The following TMTC3 variants were observed in gnomAD, a reference collection of about 807,000 sequenced individuals.
The protein encoded by TMTC3 is protein O-mannosyl-transferase TMTC3.
A neutral mutation model predicts 92.2 loss-of-function variants in TMTC3; 52 were observed. The observed-to-expected ratio is 0.56, with a 90% CI of 0.45 to 0.71. The LOEUF (loss-of-function observed/expected upper bound fraction) is 0.71. Among genes scored for constraint, TMTC3 ranks in the 30% least tolerant of loss-of-function variants. The pLI, the probability that TMTC3 is intolerant of heterozygous loss-of-function variation, is 0.00. For synonymous variants in TMTC3, 339 were observed against 363.3 expected (o/e 0.93, Z 0.76); for missense variants, 896 against 1,057.1 (o/e 0.85, Z 2.11).
In TMTC3 at chr12:88,174,681, A is replaced by G; in HGVS notation, c.1274A>G (p.Asn425Ser). The G allele has an allele frequency of 6.2e-7, 1 of 1,612,560 alleles. No individual in the cohort carries two copies. The highest frequency in any genetic ancestry group is 8.5e-7 in the Non-Finnish European group (1 of 1,179,058). The change falls in exon 9 of 14, where the codon AAT (asparagine) becomes AGT (serine). Residue 425 changes from asparagine (N) to serine (S), a missense_variant. Transcript: ENST00000266712. ...CATTCCTTAAAAACATTCCACAGAA[A>G]TTGGGATTGGGAGTCTGAATATACA... ...LTHSLKTFHR[N>S]WDWESEYTLF...
In TMTC3 at chr12:88,167,621, C is replaced by T. The variant is rs193017692; in HGVS notation, c.1050+1039C>T. On this transcript the variant is annotated intron_variant, in intron 7 of 13. Coordinates refer to ENST00000266712, the MANE Select transcript of TMTC3 (RefSeq NM_181783.4). Reference sequence around the variant, plus strand: ...GTTATGATAGTAAATACACAGTTCACGTTTCCAGAGAACTTACACAGTTCA... The same window carrying T: ...GTTATGATAGTAAATACACAGTTCATGTTTCCAGAGAACTTACACAGTTCA... 7.2e-5 allele frequency among the ~76,000 whole-genome samples: 11 copies of T among 152,070 alleles called. 1 individual carries two copies. In the South Asian group the frequency reaches 1.2e-3, roughly 17 times the overall value.
chr12:88,186,711 A>G (rs1048531377), intron 10 of TMTC3, among the ~76,000 whole-genome samples: 1 of 152,062 alleles, frequency 6.6e-6, no homozygotes, highest in African/African-American at 2.4e-5. Context: ...AAGTGATACT[A>G]TTTTACCCTC....
At chr12:88,193,892 T>C (rs1044514689) in intron 13 of TMTC3, among the ~76,000 whole-genome samples, 1 of 152,108 alleles carries the variant, frequency 6.6e-6, no homozygotes, top group African/African-American at 2.4e-5. Context: ...TTTTTGTTTT[T>C]TTGGCTTTTT....
rs763861734 is a variant in TMTC3, at chr12:88,190,521, T to A, written c.1605T>A (p.Ala535=). ...ACCTAAATGTTTATATCAATCTGGCTAACCTGATCCGAGCAAATGAGTCCC... is the reference window on the plus strand; with the variant it reads ...ACCTAAATGTTTATATCAATCTGGCAAACCTGATCCGAGCAAATGAGTCCC... ...PNHLNVYINL[A]NLIRANESRL... is the part of the protein sequence containing the mutation. The change falls in exon 12 of 14, where the codon GCT becomes GCA. Residue 535 remains alanine (A), a synonymous_variant. Coordinates refer to ENST00000266712, the MANE Select transcript of TMTC3 (RefSeq NM_181783.4). The A allele has an allele frequency of 5.0e-6, 8 of 1,613,894 alleles. No individual in the cohort carries two copies. The Admixed American group carries it at 1.3e-4, about 27-fold the overall frequency.
chr12:88,172,920 A>C lies in TMTC3; in HGVS notation c.1199+175A>C, dbSNP rs544866111. ...AAGTTAGGAAAGCTCCATGGCACCTACTTATTCTGTGTTCTTCCCTATATT... is the reference window on the plus strand; with the variant it reads ...AAGTTAGGAAAGCTCCATGGCACCTCCTTATTCTGTGTTCTTCCCTATATT... On this transcript the variant is annotated intron_variant, in intron 8 of 13. Transcript: ENST00000266712. 6 of 1,499,324 alleles carry C rather than the reference A, an allele frequency of 4.0e-6. No individual in the cohort carries two copies. The African/African-American group carries it at 5.5e-5, about 14-fold the overall frequency. The allele number at this position is 1,499,324 out of a possible 1,614,324, so 92.9% of individuals were successfully genotyped here. A position where few individuals can be genotyped will look rare whatever the true frequency, so the allele number is the denominator to read the frequency against.
Position 88,174,673 on chromosome 12 carries a change from C to G in TMTC3, c.1266C>G (p.Phe422Leu). Residue 422 changes from phenylalanine (F) to leucine (L), a missense_variant, in exon 9 of 14, where the codon TTC becomes TTG. Physicochemically the swap from Phe to Leu is conservative, Grantham distance 22 (BLOSUM62 0). Coordinates refer to ENST00000266712, the MANE Select transcript of TMTC3 (RefSeq NM_181783.4). ...TACTCACTCATTCCTTAAAAACATT[C>G]CACAGAAATTGGGATTGGGAGTCTG... ...MVILTHSLKTFHRNWDWESEY... is the reference protein window; with the variant it reads ...MVILTHSLKTLHRNWDWESEY... 1 of 1,612,364 alleles carries G rather than the reference C, an allele frequency of 6.2e-7. No individual in the cohort carries two copies.
intron 13 of TMTC3, among the ~76,000 whole-genome samples, chr12:88,194,316 G>A (rs538309834): frequency 2.0e-5 from 3 of 152,076 alleles, no homozygotes; most frequent in Non-Finnish European, 4.4e-5. Context: ...AAACTTTGAA[G>A]TAACATTTTT....
chr12:88,151,530 A>G (rs528408672), intron 2 of TMTC3, among the ~76,000 whole-genome samples: 12 of 152,276 alleles, frequency 7.9e-5, no homozygotes, highest in Admixed American at 1.3e-4. Context: ...GCTGATGATG[A>G]TTTGTCACAG....
At chr12:88,165,018 T>C (rs917202333) in intron 6 of TMTC3, among the ~76,000 whole-genome samples, 1 of 152,166 alleles carries the variant, frequency 6.6e-6, no homozygotes, top group Non-Finnish European at 1.5e-5. Flanking sequence ...TTTCATTGGT[T>C]TTCTGTTATT....
chr12:88,146,581 A>G (rs1015213588), intron 1 of TMTC3, among the ~76,000 whole-genome samples: 114 of 136,850 alleles, frequency 8.3e-4, no homozygotes, highest in Non-Finnish European at 2.8e-4. Flanking sequence ...CCATATACAT[A>G]CCTATATATT....
At chr12:88,164,189 C>CAAAAAAAAAAAAAAAAAAAA (rs1008391943) in intron 6 of TMTC3, among the ~76,000 whole-genome samples, 1 of 48,796 alleles carries the variant, frequency 2.0e-5, no homozygotes, top group African/African-American at 7.6e-5. Context: ...GACTTTGTCT[C>CAAAAAAAAAAAAAAAAAAAA]AAAAAAAAAA....
At chr12:88,179,733 C>T (rs777034237) in intron 10 of TMTC3, among the ~76,000 whole-genome samples, 4 of 151,816 alleles carry the variant, frequency 2.6e-5, no homozygotes, top group Admixed American at 2.6e-4. Flanking sequence ...AAGCAGGCCC[C>T]GGTCGCATTT....
At chr12:88,161,629 C>T (rs574024228) in intron 6 of TMTC3, among the ~76,000 whole-genome samples, 168 of 151,446 alleles carry the variant, frequency 1.1e-3, no homozygotes, top group African/African-American at 4.0e-3. Context: ...ATCTTTGTTC[C>T]TTTTTTCTCT....
chr12:88,174,718 A>C lies in TMTC3; in HGVS notation c.1311A>C (p.Ser437=), dbSNP rs1273328861. 1.2e-6 allele frequency: 2 copies of C among 1,612,060 alleles called. No individual in the cohort carries two copies. The change falls in exon 9 of 14, where the codon TCA becomes TCC. Residue 437 remains serine (S), a synonymous_variant. Transcript: ENST00000266712. Reference sequence around the variant, plus strand: ...AGTCTGAATATACATTGTTTATGTCAGCCTTGAAGGTAAAGTGTTGTTCAG... The same window carrying C: ...AGTCTGAATATACATTGTTTATGTCCGCCTTGAAGGTAAAGTGTTGTTCAG... ...DWESEYTLFM[S]ALKVNKNNAK... is the part of the protein sequence containing the mutation.
chr12:88,184,127 G>A (rs1457707776), intron 10 of TMTC3, among the ~76,000 whole-genome samples: 3 of 152,066 alleles, frequency 2.0e-5, no homozygotes, highest in Non-Finnish European at 4.4e-5. Flanking sequence ...CTAGGGGACC[G>A]CATGGCTCAG....
intron 5 of TMTC3, 143 bp from the exon 6 acceptor site, chr12:88,160,536 A>G: frequency 1.3e-6 from 1 of 779,454 alleles, no homozygotes; most frequent in South Asian, 1.9e-5. Context: ...GCTCAGTTTT[A>G]TTCATTATTA....
At chr12:88,158,681 C>A (rs2138378221) in intron 4 of TMTC3, among the ~76,000 whole-genome samples, 1 of 151,444 alleles carries the variant, frequency 6.6e-6, no homozygotes, top group South Asian at 2.1e-4. Context: ...AAAATGTATT[C>A]ATGAATTCTG....
intron 6 of TMTC3, among the ~76,000 whole-genome samples, chr12:88,163,242 T>C (rs1192991822): frequency 6.6e-6 from 1 of 152,172 alleles, no homozygotes; most frequent in African/African-American, 2.4e-5. Flanking sequence ...CTTTGTTTTG[T>C]GGGACCACAA....
At chr12:88,181,623 T>G (rs1436311607) in intron 10 of TMTC3, among the ~76,000 whole-genome samples, 1 of 152,164 alleles carries the variant, frequency 6.6e-6, no homozygotes, top group Admixed American at 6.5e-5. Flanking sequence ...CAGCAATTGC[T>G]GAAGTTGAAG....
Sources: gnomAD v4.1 joint callset for allele counts (sites outside exome capture counted in the v4.1 genomes callset) on GRCh38, gnomAD v4.1.1 for gene constraint, MANE v1.5 for transcripts, NCBI Gene and HGNC (gene_info 2026-07-23, HGNC 2026-07-21) for gene names.